Variants in EXT1 observed in about 807,000 individuals in gnomAD.
The protein encoded by EXT1 is exostosin glycosyltransferase 1.
Under a neutral mutation model 82.5 loss-of-function variants are expected in EXT1, and 20 were observed. The ratio of observed to expected loss-of-function variants is 0.24; its 90% CI spans 0.17 to 0.35. The LOEUF is 0.35. EXT1 is among the 10% of genes least tolerant of loss of function. The pLI is 1.00. For missense variants in EXT1, 757 were observed against 936.5 expected (o/e 0.81, Z 2.50); for synonymous variants, 348 against 350.8 (o/e 0.99, Z 0.09).
At chr8:117,925,872 T>C (rs1438744565) in intron 1 of EXT1, among the ~76,000 whole-genome samples, 1 of 152,176 alleles carries the variant, frequency 6.6e-6, no homozygotes, top group Non-Finnish European at 1.5e-5. Context: ...CACTCCAGTC[T>C]GGGCAACAGA....
chr8:118,066,375 TATTA>T (rs1179337239), intron 1 of EXT1, among the ~76,000 whole-genome samples: 4 of 149,112 alleles, frequency 2.7e-5, no homozygotes, highest in African/African-American at 5.0e-5. Flanking sequence ...TTTATTTATT[TATTA>T]GACAGAGTCT....
intron 1 of EXT1, among the ~76,000 whole-genome samples, chr8:118,049,471 G>A (rs969612043): frequency 6.6e-6 from 1 of 152,124 alleles, no homozygotes; most frequent in Non-Finnish European, 1.5e-5. Flanking sequence ...TTTGCAAGGT[G>A]GCTAATAACA....
intron 1 of EXT1, among the ~76,000 whole-genome samples, chr8:118,053,368 C>A (rs1400310051): frequency 6.6e-6 from 1 of 152,142 alleles, no homozygotes; most frequent in Non-Finnish European, 1.5e-5. Context: ...CCACTTCATG[C>A]CCTTGATATC....
chr8:118,010,192 G>GA (rs1815868777), intron 1 of EXT1, among the ~76,000 whole-genome samples: 1 of 151,744 alleles, frequency 6.6e-6, no homozygotes, highest in Non-Finnish European at 1.5e-5. Context: ...CTAACACAGT[G>GA]AAACCCCATC....
intron 1 of EXT1, among the ~76,000 whole-genome samples, chr8:117,936,149 A>T (rs1814158041): frequency 6.6e-6 from 1 of 152,236 alleles, no homozygotes; most frequent in Admixed American, 6.5e-5. Context: ...AGAAAACAAA[A>T]GGGAAGGACA....
chr8:117,872,975 T>C (rs1360833244), intron 1 of EXT1, among the ~76,000 whole-genome samples: 1 of 152,226 alleles, frequency 6.6e-6, no homozygotes, highest in Non-Finnish European at 1.5e-5. Flanking sequence ...ATGGTCTGAA[T>C]GTGTGTCTCC....
chr8:118,058,194 C>T (rs1270630532), intron 1 of EXT1, among the ~76,000 whole-genome samples: 1 of 151,898 alleles, frequency 6.6e-6, no homozygotes, highest in Admixed American at 6.6e-5. Flanking sequence ...AATATTTTAG[C>T]AGCAGGAAAA....
chr8:117,864,546 G>C (rs921886889), intron 1 of EXT1, among the ~76,000 whole-genome samples: 4 of 152,080 alleles, frequency 2.6e-5, no homozygotes, highest in African/African-American at 7.2e-5. Flanking sequence ...TCAGGAGATC[G>C]AGACCATCCT....
In EXT1 at chr8:117,822,650, A is replaced by C. The variant is rs868659711; in HGVS notation, c.1285-53T>G. The C allele has an allele frequency of 9.5e-5, 152 of 1,601,552 alleles. No homozygotes were observed. In the African/African-American group the frequency reaches 1.5e-3, roughly 16 times the overall value. On this transcript the variant is annotated intron_variant, in intron 4 of 10. Coordinates refer to ENST00000378204, the MANE Select transcript of EXT1 (RefSeq NM_000127.3). ...AGGATGAGATCCTGATGATATTTGG[A>C]AAGGATGATGCTCAATCCAAATTCG...
At position 117,795,483 on chromosome 8, in the gene EXT1, T is replaced by TC. The variant is rs1823076328; in HGVS notation, c.*4228_*4229insG. ...TCTTAGGGTACTTAATCCCCCAAGC[T>TC]TTTTTTTTTTTTTAAAGAAAAAAAA... On this transcript the variant is annotated 3_prime_UTR_variant, in exon 11 of 11. Transcript: ENST00000378204. The TC allele has an allele frequency of 1.0e-4, 1 of 9,600 alleles. No individual in the cohort carries two copies. The highest frequency in any genetic ancestry group is 1.7e-4 in the Non-Finnish European group (1 of 5,862). The allele number at this position is 9,600 out of a possible 1,614,324, so 0.6% of individuals were successfully genotyped here.
intron 1 of EXT1, among the ~76,000 whole-genome samples, chr8:117,919,470 A>G (rs962941189): frequency 6.6e-6 from 1 of 151,210 alleles, no homozygotes; most frequent in Non-Finnish European, 1.5e-5. Context: ...AATTACAGCC[A>G]TGAGCCACCA....
intron 1 of EXT1, among the ~76,000 whole-genome samples, chr8:117,964,413 G>C (rs1814763432): frequency 6.6e-6 from 1 of 152,218 alleles, no homozygotes; most frequent in South Asian, 2.1e-4. Flanking sequence ...TAGCAGTGAA[G>C]GAGTGGGGAG....
At chr8:117,834,156 A>G (rs1446527942) in intron 3 of EXT1, among the ~76,000 whole-genome samples, 1 of 152,234 alleles carries the variant, frequency 6.6e-6, no homozygotes, top group East Asian at 1.9e-4. Flanking sequence ...TGAGTGCCAG[A>G]CAGAAGTAAT....
intron 1 of EXT1, among the ~76,000 whole-genome samples, chr8:118,088,827 AAC>A (rs1817474166): frequency 1.3e-5 from 2 of 152,172 alleles, no homozygotes; most frequent in Admixed American, 6.5e-5. Context: ...AGAGAAAATA[AAC>A]AGTTTGAAAG....
intron 1 of EXT1, among the ~76,000 whole-genome samples, chr8:118,094,253 A>C (rs1267743179): frequency 6.6e-6 from 1 of 152,202 alleles, no homozygotes; most frequent in Non-Finnish European, 1.5e-5. Context: ...AAGTCATATT[A>C]ATGATTTGTA....
At chr8:117,964,682 G>T (rs145643124) in intron 1 of EXT1, among the ~76,000 whole-genome samples, 1 of 151,966 alleles carries the variant, frequency 6.6e-6, no homozygotes, top group Non-Finnish European at 1.5e-5. Context: ...AGGCCCAGGC[G>T]GCTGGAGTGT....
At chr8:117,887,128 T>C (rs1390677530) in intron 1 of EXT1, among the ~76,000 whole-genome samples, 1 of 152,200 alleles carries the variant, frequency 6.6e-6, no homozygotes, top group Non-Finnish European at 1.5e-5. Context: ...CCTTTGTCTT[T>C]TATTTGTAAT....
At chr8:117,816,052 A>G (rs1811807213) in intron 7 of EXT1, among the ~76,000 whole-genome samples, 3 of 152,142 alleles carry the variant, frequency 2.0e-5, no homozygotes, top group Admixed American at 2.0e-4. Flanking sequence ...ATGTACACAA[A>G]TAATTATATA....
chr8:118,015,473 C>A (rs911833319), intron 1 of EXT1, among the ~76,000 whole-genome samples: 2 of 152,062 alleles, frequency 1.3e-5, no homozygotes, highest in Non-Finnish European at 2.9e-5. Context: ...AAAAAAAATT[C>A]TAAAATACCC....
Sources: gnomAD v4.1 joint callset for allele counts (sites outside exome capture counted in the v4.1 genomes callset) on GRCh38, gnomAD v4.1.1 for gene constraint, MANE v1.5 for transcripts, NCBI Gene and HGNC (gene_info 2026-07-23, HGNC 2026-07-21) for gene names.